FAM227B: variants seen among roughly 807,000 people sequenced by gnomAD.
FAM227B encodes family with sequence similarity 227 member B.
FAM227B carries 88 observed loss-of-function variants against 73.8 expected under a neutral mutation model. That is an observed-to-expected ratio of 1.19 (90% CI 1.00 to 1.42). The LOEUF is 1.42. Among genes scored for constraint, FAM227B ranks in the 40% most tolerant of loss-of-function variants. FAM227B has a pLI of 0.00. For synonymous variants in FAM227B, 210 were observed against 190.5 expected, an observed-to-expected ratio of 1.10 and a Z score of -0.84; for missense variants, 632 against 590.9, an observed-to-expected ratio of 1.07 and a Z score of -0.72.
At chr15:49,390,399 T>C (rs548857964) in intron 11 of FAM227B, among the ~76,000 whole-genome samples, 4 of 151,928 alleles carry the variant, frequency 2.6e-5, no homozygotes, top group East Asian at 3.9e-4. Flanking sequence ...CTGTTTGATA[T>C]AGGGATCCAC....
intron 13 of FAM227B, among the ~76,000 whole-genome samples, chr15:49,359,005 T>G (rs1438460600): frequency 1.3e-5 from 2 of 151,862 alleles, no homozygotes; most frequent in Non-Finnish European, 2.9e-5. Context: ...CCCTATTTAA[T>G]AAATGGTGCT....
At chr15:49,349,337 CTCT>C (rs1465367463) in intron 13 of FAM227B, among the ~76,000 whole-genome samples, 1 of 152,066 alleles carries the variant, frequency 6.6e-6, no homozygotes, top group Non-Finnish European at 1.5e-5. Flanking sequence ...CATCCTCCCC[CTCT>C]TAACTGGCAG....
chr15:49,484,801 T>A (rs975104498), intron 11 of FAM227B: 2 of 225,034 alleles, frequency 8.9e-6, no homozygotes, highest in Non-Finnish European at 1.7e-5. Flanking sequence ...CTTAAATTAA[T>A]TTACCCTTAA....
At chr15:49,480,301 TTTTA>T (rs945072548) in intron 11 of FAM227B, among the ~76,000 whole-genome samples, 12 of 152,058 alleles carry the variant, frequency 7.9e-5, no homozygotes, top group East Asian at 1.9e-4. Flanking sequence ...ATCACCTTAT[TTTTA>T]TTTATTTATT....
At chr15:49,465,685 G>C (rs1198070151) in intron 11 of FAM227B, among the ~76,000 whole-genome samples, 1 of 152,008 alleles carries the variant, frequency 6.6e-6, no homozygotes, top group Non-Finnish European at 1.5e-5. Context: ...CTGAGATAAA[G>C]TATTATTTAA....
intron 13 of FAM227B, among the ~76,000 whole-genome samples, chr15:49,364,292 CTTG>C (rs1437328238): frequency 2.0e-5 from 3 of 152,098 alleles, no homozygotes; most frequent in Non-Finnish European, 2.9e-5. Flanking sequence ...AATTTCAGAA[CTTG>C]TTATTGGTCT....
chr15:49,566,005 A>G (rs573746049), intron 9 of FAM227B, among the ~76,000 whole-genome samples: 89 of 152,304 alleles, frequency 5.8e-4, no homozygotes, highest in African/African-American at 2.1e-3. Flanking sequence ...TGACACCTTG[A>G]TTTTAGCCCT....
intron 10 of FAM227B, among the ~76,000 whole-genome samples, chr15:49,525,087 G>C (rs553302529): frequency 2.6e-5 from 4 of 152,202 alleles, no homozygotes; most frequent in African/African-American, 9.6e-5. Flanking sequence ...AGGCATTATT[G>C]GTTTTGAAAT....
chr15:49,329,548 A>G, intron 15 of FAM227B: 1 of 985,160 alleles, frequency 1.0e-6, no homozygotes, highest in Non-Finnish European at 1.2e-6. Context: ...TTAAAGGATA[A>G]CAGTCATACA....
At chr15:49,403,133 TTGATCATGG>T (rs1425193635) in intron 11 of FAM227B, among the ~76,000 whole-genome samples, 15 of 152,170 alleles carry the variant, frequency 9.9e-5, no homozygotes, top group Admixed American at 1.3e-4. Flanking sequence ...TGAAACCAAC[TTGATCATGG>T]TGGATAAGCT....
At chr15:49,363,065 C>T (rs1187276103) in intron 13 of FAM227B, among the ~76,000 whole-genome samples, 1 of 152,108 alleles carries the variant, frequency 6.6e-6, no homozygotes. Flanking sequence ...ATGATTCCTC[C>T]AGCTTTGTCC....
chr15:49,353,242 C>A (rs991529188), intron 13 of FAM227B, among the ~76,000 whole-genome samples: 2 of 152,100 alleles, frequency 1.3e-5, no homozygotes, highest in African/African-American at 4.8e-5. Flanking sequence ...CAAATTTGGG[C>A]TCAAATTAGA....
At chr15:49,573,241 A>ATT (rs2075234429) in intron 8 of FAM227B, among the ~76,000 whole-genome samples, 2 of 74,840 alleles carry the variant, frequency 2.7e-5, no homozygotes, top group South Asian at 8.1e-4. Flanking sequence ...GATTTTCTAG[A>ATT]TATGTTATTA....
intron 15 of FAM227B, chr15:49,331,121 G>A (rs8040134): frequency 0.41 from 61,929 of 152,048 alleles, 12,793 homozygotes; most frequent in African/African-American, 0.43. Flanking sequence ...CAATGGGATT[G>A]CTCTAGATTT....
At chr15:49,458,350 G>A (rs760489575) in intron 11 of FAM227B, among the ~76,000 whole-genome samples, 2 of 151,992 alleles carry the variant, frequency 1.3e-5, no homozygotes. Flanking sequence ...ACTTGGCTTT[G>A]AGTCATCTTT....
At chr15:49,364,842 G>T (rs2044852191) in intron 13 of FAM227B, among the ~76,000 whole-genome samples, 1 of 151,786 alleles carries the variant, frequency 6.6e-6, no homozygotes, top group Non-Finnish European at 1.5e-5. Flanking sequence ...GCATAGGGAT[G>T]GGTCAAGGCA....
intron 11 of FAM227B, among the ~76,000 whole-genome samples, chr15:49,438,590 A>G (rs1343141884): frequency 6.6e-6 from 1 of 151,750 alleles, no homozygotes; most frequent in Admixed American, 6.6e-5. Flanking sequence ...GAGTAGATTG[A>G]GTTGATAAGA....
rs374878820 is a variant in FAM227B, at chr15:49,402,686, G to C, written c.1013-31287C>G. Among the ~76,000 whole-genome samples the C allele has an allele frequency of 3.3e-5, 5 of 152,288 alleles. No homozygotes were observed. In the East Asian group the frequency reaches 9.7e-4, roughly 29 times the overall value. Reference sequence around the variant, plus strand: ...TATCAGCTTAAGAAGCTTTTGGACTGAGACAATGGGGTTTTCTAGATATAG... The same window carrying C: ...TATCAGCTTAAGAAGCTTTTGGACTCAGACAATGGGGTTTTCTAGATATAG... On this transcript the variant is annotated intron_variant, in intron 11 of 15. Transcript: ENST00000299338.
intron 11 of FAM227B, among the ~76,000 whole-genome samples, chr15:49,373,193 A>G (rs1282052839): frequency 2.6e-5 from 4 of 152,074 alleles, no homozygotes; most frequent in Non-Finnish European, 5.9e-5. Flanking sequence ...TTTACTTTTC[A>G]AATCACCTGA....
Sources: gnomAD v4.1 joint callset for allele counts (sites outside exome capture counted in the v4.1 genomes callset) on GRCh38, gnomAD v4.1.1 for gene constraint, MANE v1.5 for transcripts, NCBI Gene and HGNC (gene_info 2026-07-23, HGNC 2026-07-21) for gene names.